HPSE2: variants seen among roughly 807,000 people sequenced by gnomAD.
The protein encoded by HPSE2 is heparanase 2 (inactive).
A neutral mutation model predicts 60.5 loss-of-function variants in HPSE2; 38 were observed. The ratio of observed to expected loss-of-function variants is 0.63; its 90% CI spans 0.48 to 0.82. The LOEUF is 0.82. Among genes scored for constraint, HPSE2 ranks in the 40% least tolerant of loss-of-function variants. The pLI is 0.00. For missense variants in HPSE2, 713 were observed against 740.4 expected (o/e 0.96, Z 0.43); for synonymous variants, 295 against 293.2 (o/e 1.01, Z -0.06).
At chr10:98,789,242 G>C (rs555737061) in intron 3 of HPSE2, among the ~76,000 whole-genome samples, 2 of 152,322 alleles carry the variant, frequency 1.3e-5, no homozygotes, top group South Asian at 4.1e-4. Flanking sequence ...ACCTTAAGTG[G>C]AGAAGTACTA....
chr10:99,077,573 A>AGTGTATGTGT (rs1348811143), intron 3 of HPSE2, among the ~76,000 whole-genome samples: 2 of 151,350 alleles, frequency 1.3e-5, no homozygotes, highest in African/African-American at 4.9e-5. Flanking sequence ...GCTGTGTGTG[A>AGTGTATGTGT]GTGTATGTGT....
intron 2 of HPSE2, among the ~76,000 whole-genome samples, chr10:99,211,680 T>C (rs1458215506): frequency 1.3e-5 from 2 of 152,114 alleles, no homozygotes; most frequent in African/African-American, 2.4e-5. Flanking sequence ...CAATTAGACC[T>C]TTATCTCACA....
chr10:98,688,006 AT>A (rs1947962554), intron 6 of HPSE2, among the ~76,000 whole-genome samples: 1 of 151,492 alleles, frequency 6.6e-6, no homozygotes, highest in Non-Finnish European at 1.5e-5. Context: ...TTTCCCATTT[AT>A]TTTTTGTTCC....
At chr10:99,244,413 T>TTATTAG in the HPSE2 span, among the ~76,000 whole-genome samples, 7 of 146,178 alleles carry the variant, frequency 4.8e-5, no homozygotes, top group South Asian at 1.1e-3. Flanking sequence ...ATTATTATTA[T>TTATTAG]TATTATTATT....
intron 3 of HPSE2, among the ~76,000 whole-genome samples, chr10:98,830,569 T>C (rs550111844): frequency 1.3e-5 from 2 of 152,226 alleles, no homozygotes; most frequent in Admixed American, 1.3e-4. Context: ...AAAATTATGC[T>C]TGATAGCTAC....
At chr10:99,007,062 G>A (rs1369721847) in intron 3 of HPSE2, among the ~76,000 whole-genome samples, 4 of 152,052 alleles carry the variant, frequency 2.6e-5, no homozygotes, top group Non-Finnish European at 4.4e-5. Context: ...GCTGGGGCAG[G>A]CCTGAAGCCT....
intron 11 of HPSE2, 51 bp downstream of exon 11, chr10:98,482,585 C>T (rs1362594349): frequency 1.2e-6 from 2 of 1,611,538 alleles, no homozygotes; most frequent in African/African-American, 1.3e-5. Flanking sequence ...CCTCCCCCTC[C>T]CTCAGCTCCT....
intron 2 of HPSE2, among the ~76,000 whole-genome samples, chr10:99,205,508 G>A (rs897293861): frequency 9.2e-5 from 14 of 152,040 alleles, no homozygotes; most frequent in Non-Finnish European, 1.3e-4. Flanking sequence ...CTTGAACCCG[G>A]GCGGCAGAGG....
intron 9 of HPSE2, among the ~76,000 whole-genome samples, chr10:98,549,487 T>C (rs1044942873): frequency 4.6e-5 from 7 of 152,240 alleles, no homozygotes; most frequent in African/African-American, 1.7e-4. Context: ...AGGTCTATTC[T>C]CTTGCTACTT....
intron 2 of HPSE2, among the ~76,000 whole-genome samples, chr10:99,166,176 G>T (rs1236943023): frequency 6.6e-6 from 1 of 152,130 alleles, no homozygotes; most frequent in Non-Finnish European, 1.5e-5. Context: ...CCATTGAATG[G>T]CTGTACTATA....
intron 3 of HPSE2, among the ~76,000 whole-genome samples, chr10:98,813,905 T>A (rs190791625): frequency 6.6e-6 from 1 of 152,212 alleles, no homozygotes; most frequent in East Asian, 1.9e-4. Flanking sequence ...TACATTGTTA[T>A]ACAAAGAGGA....
chr10:98,609,504 C>G (rs547107553), intron 9 of HPSE2, among the ~76,000 whole-genome samples: 1 of 152,066 alleles, frequency 6.6e-6, no homozygotes, highest in South Asian at 2.1e-4. Context: ...AAAAAATTCA[C>G]GTAAGAAAAT....
chr10:99,245,016 A>G, the HPSE2 span, among the ~76,000 whole-genome samples: 1 of 152,104 alleles, frequency 6.6e-6, no homozygotes, highest in Non-Finnish European at 1.5e-5. Context: ...TTATCTAGAG[A>G]TATTGACATG....
chr10:98,719,938 T>G (rs984821257), intron 5 of HPSE2, among the ~76,000 whole-genome samples: 3 of 151,470 alleles, frequency 2.0e-5, no homozygotes, highest in African/African-American at 7.3e-5. Flanking sequence ...GAGATGGAGG[T>G]TGCAGTGAGC....
chr10:98,729,832 A>T (rs1347264013), intron 4 of HPSE2, among the ~76,000 whole-genome samples: 1 of 152,082 alleles, frequency 6.6e-6, no homozygotes, highest in Non-Finnish European at 1.5e-5. Flanking sequence ...ATATATACCT[A>T]ACACCACCAT....
intron 8 of HPSE2, among the ~76,000 whole-genome samples, chr10:98,619,854 A>T (rs1589519835): frequency 6.6e-6 from 1 of 152,052 alleles, no homozygotes; most frequent in East Asian, 1.9e-4. Flanking sequence ...CATGTCTGTC[A>T]TTTTTCTTTT....
rs185062443 is a variant in HPSE2, at chr10:98,876,126, A to G, written c.611-132070T>C. On this transcript the variant is annotated intron_variant, in intron 3 of 11. Coordinates refer to ENST00000370552, the MANE Select transcript of HPSE2 (RefSeq NM_021828.5). ...AAATAATATAGTATGAAGCACTAGA[A>G]AATATTCAATAAATGTCAGCTATTG... Among the ~76,000 whole-genome samples the G allele has an allele frequency of 4.4e-3, 668 of 151,964 alleles. 2 individuals are homozygous for G. The highest frequency in any genetic ancestry group is 0.016 in the African/African-American group (646 of 41,402).
chr10:98,574,820 T>C lies in HPSE2; in HGVS notation c.1320+40084A>G, dbSNP rs568324070. Among the ~76,000 whole-genome samples, 5 of 152,112 alleles carry C rather than the reference T, an allele frequency of 3.3e-5. No individual in the cohort carries two copies. The South Asian group carries it at 8.4e-4, about 25-fold the overall frequency. On this transcript the variant is annotated intron_variant, in intron 9 of 11. Transcript: ENST00000370552. ...GACACTGTTAAGCTCTAGGGAAATA[T>C]AAGGAGGGCAGGAACTACACTATCC...
At chr10:98,988,057 T>C (rs1956415549) in intron 3 of HPSE2, among the ~76,000 whole-genome samples, 1 of 152,178 alleles carries the variant, frequency 6.6e-6, no homozygotes, top group Admixed American at 6.5e-5. Context: ...ATCGTGAAAA[T>C]GGCCATACTG....
Sources: allele counts gnomAD v4.1 joint callset (sites outside exome capture counted in the v4.1 genomes callset), GRCh38; gene constraint gnomAD v4.1.1; transcripts MANE v1.5; gene names NCBI Gene and HGNC (gene_info 2026-07-23, HGNC 2026-07-21).